The following MCC variants were observed in gnomAD, a reference collection of about 807,000 sequenced individuals.
The protein encoded by MCC is colorectal mutant cancer protein.
MCC carries 90 observed loss-of-function variants against 116.2 expected under a neutral mutation model. That is an observed-to-expected ratio of 0.77 (90% CI 0.65 to 0.92). The LOEUF (loss-of-function observed/expected upper bound fraction) is 0.92, where lower values mean the gene tolerates loss of function less well. Among genes scored for constraint, MCC ranks in the 40% least tolerant of loss-of-function variants. The pLI, the probability that MCC is intolerant of heterozygous loss-of-function variation, is 0.00. For synonymous variants in MCC, 578 were observed against 510.5 expected (o/e 1.13, Z -1.78); for missense variants, 1,516 against 1,312.2 (o/e 1.16, Z -2.40).
At chr5:113,118,558 C>G (rs1757528976) in intron 6 of MCC, among the ~76,000 whole-genome samples, 1 of 152,210 alleles carries the variant, frequency 6.6e-6, no homozygotes, top group Admixed American at 6.5e-5. Flanking sequence ...TTTGATGAAG[C>G]TGATAGGCTG....
intron 11 of MCC, among the ~76,000 whole-genome samples, chr5:113,076,368 A>G (rs1462244514): frequency 6.6e-6 from 1 of 152,212 alleles, no homozygotes; most frequent in African/African-American, 2.4e-5. Context: ...CAGATTCACC[A>G]AAGTTGAAAT....
chr5:113,108,831 C>G (rs1756910577), intron 6 of MCC, among the ~76,000 whole-genome samples: 1 of 152,128 alleles, frequency 6.6e-6, no homozygotes, highest in Non-Finnish European at 1.5e-5. Flanking sequence ...TGTATAAAAA[C>G]ACAGGTGAGG....
chr5:113,450,000 T>G (rs76033654), intron 1 of MCC, among the ~76,000 whole-genome samples: 3,534 of 152,288 alleles, frequency 0.023, 151 homozygotes, highest in African/African-American at 0.081. Flanking sequence ...ATATACAGTT[T>G]GCACAATTGC....
intron 3 of MCC, among the ~76,000 whole-genome samples, chr5:113,223,673 G>C (rs1218445299): frequency 1.3e-5 from 2 of 152,154 alleles, no homozygotes; most frequent in Admixed American, 1.3e-4. Context: ...AGAAGTCAAA[G>C]TTCCTAGCCT....
In MCC at chr5:113,027,187, C is replaced by G. The variant is rs1421918469; in HGVS notation, c.*115G>C. The G allele has an allele frequency of 8.9e-7, 1 of 1,129,110 alleles. No homozygotes were observed. The highest frequency in any genetic ancestry group is 1.6e-5 in the African/African-American group (1 of 64,184). 69.9% of individuals were successfully genotyped at this position (1,129,110 alleles called of 1,614,324 possible). On this transcript the variant is annotated 3_prime_UTR_variant, in exon 19 of 19. Coordinates refer to ENST00000408903, the MANE Select transcript of MCC (RefSeq NM_001085377.2). ...GGCACTCCATTGTCCAAGTGCCGAC[C>G]TACCTGCCAGCCTTCCCTTTCCTCC... is the stretch of plus-strand genomic sequence containing the variant.
At chr5:113,457,005 G>A (rs1355250273) in intron 1 of MCC, among the ~76,000 whole-genome samples, 4 of 152,178 alleles carry the variant, frequency 2.6e-5, no homozygotes, top group Non-Finnish European at 5.9e-5. Context: ...GCCCTGGCTC[G>A]CTCTCACCGC....
Position 113,099,969 on chromosome 5 carries a change from C to T in MCC, c.1398+1770G>A, listed in dbSNP as rs148440618. ...AGTGATAATCATCGGGGAGTGTAAC[C>T]CAGGAAATTACAGGTGGCGTGGGCT... is the stretch of plus-strand genomic sequence containing the variant. On this transcript the variant is annotated intron_variant, in intron 8 of 18. Transcript: ENST00000408903. Among the ~76,000 whole-genome samples the T allele has an allele frequency of 7.9e-5, 12 of 152,172 alleles. No individual in the cohort carries two copies. In the East Asian group the frequency reaches 2.3e-3, roughly 29 times the overall value.
intron 1 of MCC, among the ~76,000 whole-genome samples, chr5:113,471,178 C>G (rs1345038459): frequency 1.3e-5 from 2 of 152,180 alleles, no homozygotes; most frequent in South Asian, 2.1e-4. Flanking sequence ...CTCAACTCGT[C>G]AAAGTCATTC....
At chr5:113,292,779 G>T (rs1035072776) in intron 3 of MCC, among the ~76,000 whole-genome samples, 2 of 152,168 alleles carry the variant, frequency 1.3e-5, no homozygotes, top group Non-Finnish European at 2.9e-5. Flanking sequence ...ACATCGTGAA[G>T]GGCCTGGCAA....
At chr5:113,354,865 A>G (rs1300606477) in intron 2 of MCC, among the ~76,000 whole-genome samples, 1 of 150,664 alleles carries the variant, frequency 6.6e-6, no homozygotes, top group African/African-American at 2.4e-5. Context: ...TAATGCAAGA[A>G]TGTGGCAATA....
At chr5:113,438,417 C>T (rs898175868) in intron 1 of MCC, among the ~76,000 whole-genome samples, 1 of 151,590 alleles carries the variant, frequency 6.6e-6, no homozygotes, top group African/African-American at 2.4e-5. Context: ...CGGAAAGTAA[C>T]TTGATCTGTA....
At chr5:113,384,266 T>G (rs1238098635) in intron 2 of MCC, among the ~76,000 whole-genome samples, 1 of 152,182 alleles carries the variant, frequency 6.6e-6, no homozygotes. Flanking sequence ...ACCATCTTTA[T>G]AGAAAACGAT....
intron 2 of MCC, among the ~76,000 whole-genome samples, chr5:113,376,643 G>A (rs1039603382): frequency 3.4e-5 from 5 of 146,900 alleles, no homozygotes; most frequent in Admixed American, 2.0e-4. Flanking sequence ...AGCCTTTTGA[G>A]GATGGTGAAA....
rs1259853112 is a variant in MCC at position 113,434,683 on chromosome 5, A to G, written c.171-49471T>C. The G allele has an allele frequency of 6.2e-7, 1 of 1,614,012 alleles. No individual in the cohort carries two copies. Among genetic ancestry groups the G allele is most frequent in the East Asian group, 2.2e-5 (1 of 44,876 alleles). Reference sequence around the variant, plus strand: ...ATTTCCCGGGGAAGGAATTTCTCCAAGAAGTCTGCGGGGGCCTTCTTGCGG... The same window carrying G: ...ATTTCCCGGGGAAGGAATTTCTCCAGGAAGTCTGCGGGGGCCTTCTTGCGG... On this transcript the variant is annotated intron_variant, in intron 1 of 18. Coordinates refer to ENST00000408903, the MANE Select transcript of MCC (RefSeq NM_001085377.2). The surrounding 1 kb of genome is among the most constrained non-coding windows in gnomAD (Gnocchi z 4.2).
intron 2 of MCC, among the ~76,000 whole-genome samples, chr5:113,381,003 T>G (rs1769105280): frequency 6.6e-6 from 1 of 152,222 alleles, no homozygotes; most frequent in African/African-American, 2.4e-5. Flanking sequence ...GACATGGGAT[T>G]GAACTAAGCA....
chr5:113,094,740 A>C (rs1319557636), intron 8 of MCC, among the ~76,000 whole-genome samples: 2 of 152,160 alleles, frequency 1.3e-5, no homozygotes, highest in Non-Finnish European at 2.9e-5. Flanking sequence ...ATTTCTTACC[A>C]GCTTTTTGAC....
intron 17 of MCC, among the ~76,000 whole-genome samples, chr5:113,042,736 A>AT (rs1012763531): frequency 8.0e-4 from 122 of 151,996 alleles, no homozygotes; most frequent in African/African-American, 2.8e-3. Context: ...AATTTGAGAT[A>AT]TGCTGAGGTG....
intron 3 of MCC, among the ~76,000 whole-genome samples, chr5:113,155,714 G>A (rs904881579): frequency 3.9e-5 from 6 of 152,188 alleles, no homozygotes; most frequent in Non-Finnish European, 8.8e-5. Context: ...TATGAAGTAT[G>A]ATGAAAAGAA....
chr5:113,305,800 C>T (rs1018082269), intron 3 of MCC, among the ~76,000 whole-genome samples: 1 of 152,170 alleles, frequency 6.6e-6, no homozygotes, highest in East Asian at 1.9e-4. Flanking sequence ...TACCTTTTAA[C>T]ATAATTTAGT....
Sources: allele counts gnomAD v4.1 joint callset (sites outside exome capture counted in the v4.1 genomes callset), GRCh38; gene constraint gnomAD v4.1.1; non-coding constraint Gnocchi (gnomAD v3.1); transcripts MANE v1.5; gene names NCBI Gene and HGNC (gene_info 2026-07-23, HGNC 2026-07-21).